Variants in TRMT1L observed in about 807,000 individuals in gnomAD.
TRMT1L encodes the protein tRNA methyltransferase 1L.
A neutral mutation model predicts 81.6 loss-of-function variants in TRMT1L; 28 were observed. The ratio of observed to expected loss-of-function variants is 0.34; its 90% CI spans 0.25 to 0.47. The LOEUF (loss-of-function observed/expected upper bound fraction) is 0.47. Ranked by LOEUF, TRMT1L falls within the 20% of genes least tolerant of loss-of-function variation. The pLI is 1.00. For missense variants in TRMT1L, 739 were observed against 877.1 expected, an observed-to-expected ratio of 0.84 and a Z score of 1.99; for synonymous variants, 301 against 303.2, an observed-to-expected ratio of 0.99 and a Z score of 0.07.
intron 5 of TRMT1L, among the ~76,000 whole-genome samples, chr1:185,145,213 G>A (rs1031637529): frequency 2.0e-5 from 3 of 151,798 alleles, no homozygotes; most frequent in African/African-American, 7.2e-5. Context: ...AGTCACTTGA[G>A]TGTCACTTAC....
chr1:185,155,916 TCCTAAACTAC>T (rs1176859946), intron 1 of TRMT1L, among the ~76,000 whole-genome samples: 1 of 152,200 alleles, frequency 6.6e-6, no homozygotes, highest in Non-Finnish European at 1.5e-5. Flanking sequence ...GTCGACTCTT[TCCTAAACTAC>T]TACTCAGCCT....
chr1:185,137,477 T>C (rs768818586), intron 10 of TRMT1L, 129 bp downstream of exon 10: 1 of 936,144 alleles, frequency 1.1e-6, no homozygotes, highest in Non-Finnish European at 1.7e-6. Flanking sequence ...GGAAATCCAG[T>C]ATAGGAAATA....
At chr1:185,152,448 A>T (rs1345196734) in intron 1 of TRMT1L, among the ~76,000 whole-genome samples, 1 of 152,236 alleles carries the variant, frequency 6.6e-6, no homozygotes, top group Non-Finnish European at 1.5e-5. Flanking sequence ...AGTCAGTAGA[A>T]GTATGTGCAG....
chr1:185,139,522 T>C lies in TRMT1L; in HGVS notation c.1167A>G (p.Ile389Met). 3 of 1,614,032 alleles carry C rather than the reference T, an allele frequency of 1.9e-6. No homozygotes were observed. The highest frequency in any genetic ancestry group is 2.5e-6 in the Non-Finnish European group (3 of 1,179,990). The change falls in exon 9 of 15, where the codon ATA becomes ATG. Residue 389 changes from isoleucine to methionine, a missense_variant. Physicochemically the swap from Ile to Met is conservative, Grantham distance 10 (BLOSUM62 1). Coordinates refer to ENST00000367506, the MANE Select transcript of TRMT1L (RefSeq NM_030934.5). ...TCACTGACACTATGCCAAGGTTTCTTATATTTCTGAATGCAGAATCTAGAT... is the reference window on the plus strand; with the variant it reads ...TCACTGACACTATGCCAAGGTTTCTCATATTTCTGAATGCAGAATCTAGAT... ...VNYLDSAFRN[I>M]RNLGIVSVTS... is the part of the protein sequence containing the mutation.
chr1:185,144,120 C>T lies in TRMT1L; in HGVS notation c.656-91G>A, dbSNP rs1187001289. The T allele has an allele frequency of 3.3e-6, 4 of 1,208,858 alleles. No individual in the cohort carries two copies. In the East Asian group the frequency reaches 1.0e-4, roughly 31 times the overall value. 74.9% of individuals were successfully genotyped at this position (1,208,858 alleles called of 1,614,324 possible). On this transcript the variant is annotated intron_variant, in intron 5 of 14. Transcript: ENST00000367506. ...GAAAACACAAAATAATTGTAAACATCTAAAACAATAAATATACATTTTGAA... is the reference window on the plus strand; with the variant it reads ...GAAAACACAAAATAATTGTAAACATTTAAAACAATAAATATACATTTTGAA...
intron 3 of TRMT1L, among the ~76,000 whole-genome samples, chr1:185,147,707 T>C (rs1242431678): frequency 6.6e-6 from 1 of 152,146 alleles, no homozygotes; most frequent in Non-Finnish European, 1.5e-5. Context: ...TCCTCTTCCT[T>C]CTCTCATGCC....
At chr1:185,139,233 A>G in intron 9 of TRMT1L, 134 bp downstream of exon 9, 1 of 647,874 alleles carries the variant, frequency 1.5e-6, no homozygotes, top group Non-Finnish European at 2.5e-6. Flanking sequence ...GTAAGATTAA[A>G]AACCAGTATT....
upstream of TRMT1L, chr1:185,157,156 T>C (rs1653644372): frequency 1.2e-5 from 2 of 165,872 alleles, no homozygotes; most frequent in African/African-American, 2.4e-5. Context: ...AAGCGAGCGC[T>C]GTGGGGCGGT....
Position 185,130,221 on chromosome 1 carries a change from G to A in TRMT1L, c.1514-1474C>T, listed in dbSNP as rs144329348. Among the ~76,000 whole-genome samples, 5 of 152,298 alleles carry A rather than the reference G, an allele frequency of 3.3e-5. No individual in the cohort carries two copies. The East Asian group carries it at 5.8e-4, about 18-fold the overall frequency. On this transcript the variant is annotated intron_variant, in intron 10 of 14. Coordinates refer to ENST00000367506, the MANE Select transcript of TRMT1L (RefSeq NM_030934.5). ...AAGTAGAAAGAAAACTAGTATTTCCGTGTTACTGGTACATAAGCGAGGAAG... is the reference window on the plus strand; with the variant it reads ...AAGTAGAAAGAAAACTAGTATTTCCATGTTACTGGTACATAAGCGAGGAAG...
At chr1:185,121,378 T>A (rs1008494604) in intron 13 of TRMT1L, among the ~76,000 whole-genome samples, 1 of 151,488 alleles carries the variant, frequency 6.6e-6, no homozygotes, top group African/African-American at 2.4e-5. Context: ...GAGGCTGAGG[T>A]GGCAGGATGG....
chr1:185,129,391 T>G (rs927754005), intron 10 of TRMT1L, among the ~76,000 whole-genome samples: 2 of 152,114 alleles, frequency 1.3e-5, no homozygotes, highest in Non-Finnish European at 2.9e-5. Context: ...CTAATTTGGT[T>G]TAAAAAGCAA....
chr1:185,143,227 C>T (rs578140319), intron 7 of TRMT1L, 130 bp downstream of exon 7: 1 of 703,768 alleles, frequency 1.4e-6, no homozygotes, highest in East Asian at 3.1e-5. Flanking sequence ...AAATTTTTCA[C>T]AATAAAAAAT....
Position 185,129,814 on chromosome 1 carries a change from T to A in TRMT1L, c.1514-1067A>T, listed in dbSNP as rs980237238. On this transcript the variant is annotated intron_variant, in intron 10 of 14. Transcript: ENST00000367506. Reference sequence around the variant, plus strand: ...TTCAGTATTATTTAATTCTAAGCTTTGATGAAAGGGTGTGGTTAGCACTGA... The same window carrying A: ...TTCAGTATTATTTAATTCTAAGCTTAGATGAAAGGGTGTGGTTAGCACTGA... Among the ~76,000 whole-genome samples the A allele has an allele frequency of 1.5e-4, 22 of 148,660 alleles. 1 individual carries two copies. The East Asian group carries it at 4.3e-3, about 29-fold the overall frequency.
At chr1:185,139,631 T>A in intron 8 of TRMT1L, 52 bp from the exon 9 acceptor site, 1 of 1,202,104 alleles carries the variant, frequency 8.3e-7, no homozygotes, top group Non-Finnish European at 1.2e-6. Context: ...TAACAAAAAT[T>A]ATACCACTGT....
chr1:185,137,560 T>G, intron 10 of TRMT1L, 46 bp downstream of exon 10: 1 of 1,554,590 alleles, frequency 6.4e-7, no homozygotes, highest in Admixed American at 1.7e-5. Context: ...TAAAGGCTTA[T>G]TCAGTGGAGG....
At chr1:185,136,435 C>T (rs553426048) in intron 10 of TRMT1L, among the ~76,000 whole-genome samples, 67 of 151,930 alleles carry the variant, frequency 4.4e-4, no homozygotes, top group African/African-American at 1.6e-3. Context: ...AAATAGAAAG[C>T]GCTAGAGGAA....
In TRMT1L at chr1:185,156,588, G is replaced by T; in HGVS notation, c.125C>A (p.Ala42Asp). 1 of 1,598,474 alleles carries T rather than the reference G, an allele frequency of 6.3e-7. No homozygotes were observed. Among genetic ancestry groups the T allele is most frequent in the Non-Finnish European group, 8.5e-7 (1 of 1,172,730 alleles). The change falls in exon 1 of 15, where the codon GCT becomes GAT. Residue 42 changes from alanine (A) to aspartate (D), a missense_variant. By Grantham distance (126) the Ala-to-Asp change is moderately radical (BLOSUM62 -2). Transcript: ENST00000367506. Reference sequence around the variant, plus strand: ...GGCCGGAGTCGGAGCCGAGTCCAGAGCCGAATCCGGGGCCGGAGCTGGGAC... The same window carrying T: ...GGCCGGAGTCGGAGCCGAGTCCAGATCCGAATCCGGGGCCGGAGCTGGGAC... Reference protein sequence around the residue: ...AGVPAPAPDSALDSAPTPASA... With the variant: ...AGVPAPAPDSDLDSAPTPASA...
chr1:185,156,835 G>T lies in TRMT1L; in HGVS notation c.-123C>A. On this transcript the variant is annotated 5_prime_UTR_variant, in exon 1 of 15. Coordinates refer to ENST00000367506, the MANE Select transcript of TRMT1L (RefSeq NM_030934.5). Reference sequence around the variant, plus strand: ...GAGTGGGGAAGCAAGTGGGGAGGGCGGGATGCGTGCAACAGACAAAAGATG... The same window carrying T: ...GAGTGGGGAAGCAAGTGGGGAGGGCTGGATGCGTGCAACAGACAAAAGATG... The T allele has an allele frequency of 7.5e-7, 1 of 1,333,814 alleles. No individual in the cohort carries two copies. The allele number at this position is 1,333,814 out of a possible 1,614,324, so 82.6% of individuals were successfully genotyped here. A position where few individuals can be genotyped will look rare whatever the true frequency, so the allele number is the denominator to read the frequency against.
At chr1:185,140,768 C>T (rs959448930) in intron 7 of TRMT1L, among the ~76,000 whole-genome samples, 4 of 151,432 alleles carry the variant, frequency 2.6e-5, no homozygotes, top group African/African-American at 9.7e-5. Context: ...CACTTGAGCC[C>T]AGGAGTTTGA....
Sources: gnomAD v4.1 joint callset for allele counts (sites outside exome capture counted in the v4.1 genomes callset) on GRCh38, gnomAD v4.1.1 for gene constraint, MANE v1.5 for transcripts, NCBI Gene and HGNC (gene_info 2026-07-23, HGNC 2026-07-21) for gene names.